The following HEMK2 variants were observed in gnomAD, a reference collection of about 807,000 sequenced individuals.
HEMK2 encodes HemK methyltransferase 2, ETF1 glutamine and histone H4 lysine.
At chr21:28,662,813 A>G in the HEMK2 span, among the ~76,000 whole-genome samples, 364 of 152,250 alleles carry the variant, frequency 2.4e-3, no homozygotes, top group African/African-American at 8.4e-3. Context: ...CTGTGAGTCA[A>G]TTAAACTTCT....
the HEMK2 span, among the ~76,000 whole-genome samples, chr21:28,830,593 T>C: frequency 6.6e-6 from 1 of 152,296 alleles, no homozygotes; most frequent in South Asian, 2.1e-4. Flanking sequence ...AATGTATGGA[T>C]GGAGGCCAGG....
At chr21:28,604,329 T>C in the HEMK2 span, among the ~76,000 whole-genome samples, 1 of 152,046 alleles carries the variant, frequency 6.6e-6, no homozygotes, top group African/African-American at 2.4e-5. Context: ...AGTTGATAGG[T>C]GCAGCAAACC....
At chr21:28,729,441 G>A in the HEMK2 span, among the ~76,000 whole-genome samples, 1 of 152,212 alleles carries the variant, frequency 6.6e-6, no homozygotes, top group Non-Finnish European at 1.5e-5. Context: ...TAGAAAGAGC[G>A]TGGGCATTTT....
chr21:28,606,002 A>G, the HEMK2 span, among the ~76,000 whole-genome samples: 3 of 151,950 alleles, frequency 2.0e-5, no homozygotes, highest in African/African-American at 7.3e-5. Flanking sequence ...TAAAATTTTC[A>G]TAACAACACA....
chr21:28,770,364 C>T, the HEMK2 span, among the ~76,000 whole-genome samples: 1 of 152,098 alleles, frequency 6.6e-6, no homozygotes, highest in Non-Finnish European at 1.5e-5. Context: ...CTGGGCTCTT[C>T]TTAGGTTTTC....
chr21:28,830,890 A>G, the HEMK2 span, among the ~76,000 whole-genome samples: 1 of 1,756 alleles, frequency 5.7e-4, no homozygotes, highest in African/African-American at 2.3e-3. Context: ...AAAAAAAAAA[A>G]AAAAAGAATG....
the HEMK2 span, among the ~76,000 whole-genome samples, chr21:28,823,310 G>A: frequency 6.6e-6 from 1 of 152,114 alleles, no homozygotes; most frequent in Non-Finnish European, 1.5e-5. Context: ...AAGTGCTCTG[G>A]GGATTTTCAT....
chr21:28,770,626 T>C, the HEMK2 span, among the ~76,000 whole-genome samples: 1 of 151,716 alleles, frequency 6.6e-6, no homozygotes, highest in Admixed American at 6.6e-5. Flanking sequence ...ATTGTGGGAG[T>C]GAATTAATTA....
chr21:28,694,773 C>G, the HEMK2 span, among the ~76,000 whole-genome samples: 1 of 152,104 alleles, frequency 6.6e-6, no homozygotes, highest in African/African-American at 2.4e-5. Context: ...GGGAGGATCA[C>G]GAGGTCAGGA....
the HEMK2 span, among the ~76,000 whole-genome samples, chr21:28,877,925 A>G: frequency 0.17 from 26,167 of 152,126 alleles, 2,352 homozygotes; most frequent in South Asian, 0.23. Context: ...GGTGTTAGAA[A>G]AAAACATTAG....
chr21:28,603,769 G>A, the HEMK2 span, among the ~76,000 whole-genome samples: 16 of 152,068 alleles, frequency 1.1e-4, no homozygotes, highest in South Asian at 8.3e-4. Flanking sequence ...GTTTAGTTTC[G>A]GCAGCTCAGT....
chr21:28,836,275 T>A, the HEMK2 span, among the ~76,000 whole-genome samples: 1 of 152,080 alleles, frequency 6.6e-6, no homozygotes, highest in East Asian at 1.9e-4. Flanking sequence ...CCTATCAGAT[T>A]AACAGCAGAT....
chr21:28,621,915 C>T, the HEMK2 span, among the ~76,000 whole-genome samples: 1 of 152,184 alleles, frequency 6.6e-6, no homozygotes, highest in Non-Finnish European at 1.5e-5. Flanking sequence ...GCATTGATCC[C>T]TTTACCATTA....
At chr21:28,815,236 G>C in the HEMK2 span, among the ~76,000 whole-genome samples, 18 of 128,652 alleles carry the variant, frequency 1.4e-4, no homozygotes, top group African/African-American at 4.5e-4. Context: ...GTTGTGGGGT[G>C]GGGGGAGGGG....
At chr21:28,645,651 A>G in the HEMK2 span, among the ~76,000 whole-genome samples, 1 of 152,140 alleles carries the variant, frequency 6.6e-6, no homozygotes, top group African/African-American at 2.4e-5. Context: ...TTTATCACCA[A>G]TGCAATGATA....
the HEMK2 span, among the ~76,000 whole-genome samples, chr21:28,831,739 GAAAGAAA>G: frequency 1.4e-5 from 2 of 144,202 alleles, no homozygotes; most frequent in Non-Finnish European, 3.0e-5. Flanking sequence ...AGGAAGGAAA[GAAAGAAA>G]GAAAGAAAGA....
At chr21:28,617,152 G>A in the HEMK2 span, among the ~76,000 whole-genome samples, 1 of 152,186 alleles carries the variant, frequency 6.6e-6, no homozygotes, top group East Asian at 1.9e-4. Flanking sequence ...TGGGTGGTCT[G>A]GAATAGCCTT....
At chr21:28,632,979 T>A in the HEMK2 span, among the ~76,000 whole-genome samples, 1 of 152,090 alleles carries the variant, frequency 6.6e-6, no homozygotes, top group Non-Finnish European at 1.5e-5. Context: ...ATAGTCAGAG[T>A]CCTATTTCCT....
chr21:28,631,124 G>C, the HEMK2 span, among the ~76,000 whole-genome samples: 1 of 152,036 alleles, frequency 6.6e-6, no homozygotes, highest in African/African-American at 2.4e-5. Flanking sequence ...AACTGACATA[G>C]GGAAATTTTG....
Sources: gnomAD v4.1 joint callset for allele counts (sites outside exome capture counted in the v4.1 genomes callset) on GRCh38, gnomAD v4.1.1 for gene constraint, MANE v1.5 for transcripts, NCBI Gene and HGNC (gene_info 2026-07-23, HGNC 2026-07-21) for gene names.